The following ROS1 variants were observed in gnomAD, a reference collection of about 807,000 sequenced individuals.
ROS1 encodes the protein ROS proto-oncogene 1, receptor tyrosine kinase.
Under a neutral mutation model 273.5 loss-of-function variants are expected in ROS1, and 263 were observed. The observed-to-expected ratio is 0.96, with a 90% CI of 0.87 to 1.06. The LOEUF is 1.06. Among genes scored for constraint, ROS1 ranks in the 50% least tolerant of loss-of-function variants. The pLI is 0.00. For missense variants in ROS1, 2,833 were observed against 2,751.1 expected, an observed-to-expected ratio of 1.03 and a Z score of -0.67; for synonymous variants, 1,008 against 954.1, an observed-to-expected ratio of 1.06 and a Z score of -1.04.
intron 18 of ROS1, among the ~76,000 whole-genome samples, chr6:117,373,470 G>A (rs1781043343): frequency 6.6e-6 from 1 of 152,244 alleles, no homozygotes; most frequent in South Asian, 2.1e-4. Flanking sequence ...CGAGCATGGC[G>A]CGGGCAGGCC....
At chr6:117,360,777 A>AAT (rs1194821712) in intron 22 of ROS1, among the ~76,000 whole-genome samples, 13 of 151,990 alleles carry the variant, frequency 8.6e-5, no homozygotes, top group South Asian at 2.1e-4. Context: ...GTACAGCTTG[A>AAT]ATATATATAT....
intron 33 of ROS1, chr6:117,328,547 G>C (rs1028121991): frequency 1.5e-5 from 6 of 410,990 alleles, no homozygotes; most frequent in Non-Finnish European, 2.8e-5. Context: ...AAGGTTATGG[G>C]AATGCCAGAG....
Position 117,337,170 on chromosome 6 carries a change from AC to A in ROS1, c.5230+1del. Reference sequence around the variant, plus strand: ...CTGAGTATTGAGTATGTTAGTACTCACCTTTTGTCTTAAAGCTTTCTGGAAG... The same window carrying A: ...CTGAGTATTGAGTATGTTAGTACTCACTTTTGTCTTAAAGCTTTCTGGAAG... On this transcript the variant is annotated splice_donor_variant, in intron 32 of 43. Transcript: ENST00000368507. LOFTEE classifies it high-confidence loss of function. The A allele has an allele frequency of 1.9e-6, 3 of 1,610,634 alleles. No homozygotes were observed. The highest frequency in any genetic ancestry group is 1.3e-5 in the African/African-American group (1 of 74,890).
intron 6 of ROS1, 89 bp downstream of exon 6, chr6:117,404,191 A>G (rs1328478049): frequency 4.0e-6 from 5 of 1,261,844 alleles, no homozygotes; most frequent in Non-Finnish European, 5.7e-6. Context: ...ACTGCACTCC[A>G]GCCTGGGCGA....
chr6:117,378,250 G>A (rs1401818555), intron 18 of ROS1, among the ~76,000 whole-genome samples: 1 of 152,134 alleles, frequency 6.6e-6, no homozygotes, highest in East Asian at 1.9e-4. Flanking sequence ...AAATTAGGAA[G>A]CAATTAAAAT....
intron 4 of ROS1, among the ~76,000 whole-genome samples, chr6:117,410,011 CACGT>C (rs1249699845): frequency 1.3e-5 from 2 of 152,140 alleles, no homozygotes; most frequent in Non-Finnish European, 2.9e-5. Context: ...GCCATAAACT[CACGT>C]ATTTAAAGTA....
intron 43 of ROS1, among the ~76,000 whole-genome samples, chr6:117,295,638 G>A (rs373150143): frequency 5.3e-5 from 8 of 152,068 alleles, no homozygotes; most frequent in African/African-American, 1.4e-4. Flanking sequence ...CAAATAACTC[G>A]ATAGGAAAAA....
At chr6:117,290,598 T>C (rs1773765321) in intron 43 of ROS1, among the ~76,000 whole-genome samples, 1 of 152,220 alleles carries the variant, frequency 6.6e-6, no homozygotes, top group Non-Finnish European at 1.5e-5. Context: ...GCCGGCTGAC[T>C]GGCTATGTTT....
chr6:117,324,086 T>C (rs1582621862), intron 35 of ROS1, among the ~76,000 whole-genome samples: 1 of 152,200 alleles, frequency 6.6e-6, no homozygotes, highest in South Asian at 2.1e-4. Flanking sequence ...CCCTTGCAAG[T>C]AGTTTTATCT....
chr6:117,405,076 TCTA>T (rs1289921495), intron 5 of ROS1, among the ~76,000 whole-genome samples: 1 of 152,222 alleles, frequency 6.6e-6, no homozygotes, highest in African/African-American at 2.4e-5. Context: ...ATGATTTTAC[TCTA>T]CTTTTTATAT....
chr6:117,368,961 A>T (rs1780499569), intron 18 of ROS1, among the ~76,000 whole-genome samples: 1 of 152,144 alleles, frequency 6.6e-6, no homozygotes, highest in Non-Finnish European at 1.5e-5. Context: ...ATACTATTAA[A>T]GTTACGTTTA....
chr6:117,393,722 C>A (rs9387472), intron 11 of ROS1, among the ~76,000 whole-genome samples: 9,830 of 152,134 alleles, frequency 0.065, 390 homozygotes, highest in Middle Eastern at 0.099. Flanking sequence ...TATGCACCAC[C>A]ACCACCAACA....
chr6:117,395,943 T>A (rs904817229), intron 9 of ROS1, among the ~76,000 whole-genome samples: 14 of 152,214 alleles, frequency 9.2e-5, no homozygotes, highest in African/African-American at 3.1e-4. Flanking sequence ...GCCATTTTTT[T>A]AAAACCCTAA....
chr6:117,298,140 C>T (rs1050450878), intron 43 of ROS1, among the ~76,000 whole-genome samples: 2 of 152,072 alleles, frequency 1.3e-5, no homozygotes, highest in African/African-American at 4.8e-5. Flanking sequence ...CACATGTTCT[C>T]ACTCATCAGT....
At chr6:117,370,864 A>G (rs1780706086) in intron 18 of ROS1, among the ~76,000 whole-genome samples, 1 of 152,230 alleles carries the variant, frequency 6.6e-6, no homozygotes, top group African/African-American at 2.4e-5. Flanking sequence ...CAGAGGAACA[A>G]GGAGCTGAGA....
At chr6:117,330,737 G>C (rs1390398988) in intron 32 of ROS1, among the ~76,000 whole-genome samples, 2 of 152,114 alleles carry the variant, frequency 1.3e-5, no homozygotes, top group East Asian at 3.9e-4. Context: ...ACAGAAGAGG[G>C]AAGTGACTAT....
At chr6:117,290,793 T>C (rs896218592) in intron 43 of ROS1, among the ~76,000 whole-genome samples, 2 of 152,158 alleles carry the variant, frequency 1.3e-5, no homozygotes, top group Admixed American at 6.6e-5. Context: ...AGGATAGGCA[T>C]GGTATTATTG....
chr6:117,333,019 C>T (rs1186670555), intron 32 of ROS1, among the ~76,000 whole-genome samples: 3 of 151,178 alleles, frequency 2.0e-5, no homozygotes, highest in South Asian at 2.1e-4. Flanking sequence ...GAGACAAAGA[C>T]ACAAAAAGCC....
intron 29 of ROS1, among the ~76,000 whole-genome samples, chr6:117,341,871 G>A (rs371550591): frequency 1.3e-5 from 2 of 152,140 alleles, no homozygotes; most frequent in Non-Finnish European, 2.9e-5. Flanking sequence ...TATGGCCAAC[G>A]GGGAATAACC....
Sources: gnomAD v4.1 joint callset for allele counts (sites outside exome capture counted in the v4.1 genomes callset) on GRCh38, gnomAD v4.1.1 for gene constraint, MANE v1.5 for transcripts, NCBI Gene and HGNC (gene_info 2026-07-23, HGNC 2026-07-21) for gene names.